DGKI: variants seen among roughly 807,000 people sequenced by gnomAD.
DGKI encodes the protein DAG kinase iota.
In DGKI, 55 loss-of-function variants were observed where a neutral mutation model predicts 147.5. That is an observed-to-expected ratio of 0.37 (90% CI 0.30 to 0.47). The LOEUF (loss-of-function observed/expected upper bound fraction) is 0.47, where lower values mean the gene tolerates loss of function less well. DGKI is among the 20% of genes least tolerant of loss of function. The pLI is 1.00. For synonymous variants in DGKI, 469 were observed against 477.1 expected, an observed-to-expected ratio of 0.98 and a Z score of 0.22; for missense variants, 1,007 against 1,323.8, an observed-to-expected ratio of 0.76 and a Z score of 3.71.
chr7:137,838,832 G>C (rs188526155), intron 1 of DGKI, among the ~76,000 whole-genome samples: 1 of 152,308 alleles, frequency 6.6e-6, no homozygotes, highest in East Asian at 1.9e-4. Flanking sequence ...ATCCCAGAAG[G>C]CTGCACCTTC....
intron 19 of DGKI, among the ~76,000 whole-genome samples, chr7:137,560,107 T>C (rs559457348): frequency 6.6e-6 from 1 of 152,136 alleles, no homozygotes; most frequent in Admixed American, 6.5e-5. Context: ...CCACATACGA[T>C]GTATCATCCA....
chr7:137,824,581 C>A (rs1306639879), intron 1 of DGKI, among the ~76,000 whole-genome samples: 1 of 150,168 alleles, frequency 6.7e-6, no homozygotes, highest in Non-Finnish European at 1.5e-5. Context: ...CCCTGTCATT[C>A]TTTTTCACTT....
intron 15 of DGKI, among the ~76,000 whole-genome samples, chr7:137,578,650 G>A (rs1819070770): frequency 6.6e-6 from 1 of 152,144 alleles, no homozygotes; most frequent in South Asian, 2.1e-4. Context: ...ATCTGTGGAG[G>A]GGAGCTCTCC....
chr7:137,535,544 C>A (rs1817488634), intron 20 of DGKI, among the ~76,000 whole-genome samples: 1 of 151,986 alleles, frequency 6.6e-6, no homozygotes, highest in African/African-American at 2.4e-5. Context: ...TTCTCCTTTA[C>A]CCCCAAGTCT....
intron 1 of DGKI, among the ~76,000 whole-genome samples, chr7:137,723,236 G>A (rs1794619752): frequency 6.6e-6 from 1 of 152,178 alleles, no homozygotes; most frequent in Non-Finnish European, 1.5e-5. Context: ...GGTCTAAAGG[G>A]TAGCTGAAGA....
intron 31 of DGKI, among the ~76,000 whole-genome samples, chr7:137,396,743 T>C (rs940108349): frequency 6.6e-6 from 1 of 152,252 alleles, no homozygotes; most frequent in Non-Finnish European, 1.5e-5. Context: ...CAGGATTAGT[T>C]GTACAGCCTA....
chr7:137,733,839 G>T (rs183099855), intron 1 of DGKI, among the ~76,000 whole-genome samples: 1 of 152,176 alleles, frequency 6.6e-6, no homozygotes. Context: ...GCAATGATTT[G>T]TAAGGAGGTA....
intron 24 of DGKI, 130 bp downstream of exon 24, chr7:137,469,420 C>G: frequency 1.2e-6 from 1 of 837,376 alleles, no homozygotes; most frequent in Non-Finnish European, 1.9e-6. Flanking sequence ...CATGCCAATA[C>G]CAGCCATGTG....
rs36002118 is a variant in DGKI at position 137,645,374 on chromosome 7, C to T, written c.804+98G>A. The T allele has an allele frequency of 0.023, 21,701 of 962,616 alleles. 2,415 individuals carry two copies. In the African/African-American group the frequency reaches 0.27, roughly 12 times the overall value. The allele number at this position is 962,616 out of a possible 1,614,324, so 59.6% of individuals were successfully genotyped here. A position where few individuals can be genotyped will look rare whatever the true frequency, so the allele number is the denominator to read the frequency against. ...AAGGTCTTTCAGAAAGGAACTGATG[C>T]AGTGAACACTGGATTTGGGGACAGG... On this transcript the variant is annotated intron_variant, in intron 6 of 32. Coordinates refer to ENST00000614521, the MANE Select transcript of DGKI (RefSeq NM_001321708.2).
chr7:137,581,603 C>G (rs988916876), intron 15 of DGKI, among the ~76,000 whole-genome samples: 1 of 152,052 alleles, frequency 6.6e-6, no homozygotes, highest in African/African-American at 2.4e-5. Context: ...TAGTCCTGCC[C>G]TTTACTGTCT....
At chr7:137,666,953 C>T (rs1822661435) in intron 3 of DGKI, among the ~76,000 whole-genome samples, 1 of 152,112 alleles carries the variant, frequency 6.6e-6, no homozygotes, top group Non-Finnish European at 1.5e-5. Flanking sequence ...GCCTGCTTCT[C>T]TTTTCTCTTA....
intron 2 of DGKI, among the ~76,000 whole-genome samples, chr7:137,681,570 TA>T (rs1031492241): frequency 2.6e-5 from 4 of 152,252 alleles, no homozygotes; most frequent in African/African-American, 9.6e-5. Context: ...AACAATTCTT[TA>T]TTCGATAACA....
At chr7:137,614,331 G>T (rs2128994756) in intron 8 of DGKI, among the ~76,000 whole-genome samples, 1 of 152,206 alleles carries the variant, frequency 6.6e-6, no homozygotes, top group South Asian at 2.1e-4. Flanking sequence ...CATAAGTTTT[G>T]TAAAAGCTTT....
At chr7:137,569,537 G>T (rs1818712507) in intron 19 of DGKI, among the ~76,000 whole-genome samples, 1 of 151,378 alleles carries the variant, frequency 6.6e-6, no homozygotes, top group Admixed American at 6.6e-5. Context: ...GACCATCCTG[G>T]CAAACATGGT....
At chr7:137,417,645 A>C (rs1257220011) in intron 28 of DGKI, among the ~76,000 whole-genome samples, 1 of 152,034 alleles carries the variant, frequency 6.6e-6, no homozygotes, top group East Asian at 1.9e-4. Flanking sequence ...GTTTGTATAA[A>C]CCCTCCAAAA....
At chr7:137,659,037 T>C (rs768759338) in intron 3 of DGKI, among the ~76,000 whole-genome samples, 1 of 152,220 alleles carries the variant, frequency 6.6e-6, no homozygotes. Context: ...ATAAACCATA[T>C]TCTAAATTTT....
chr7:137,425,382 A>G (rs1812756396), intron 28 of DGKI, among the ~76,000 whole-genome samples: 1 of 152,194 alleles, frequency 6.6e-6, no homozygotes, highest in Non-Finnish European at 1.5e-5. Context: ...GGACATCCAC[A>G]CCAAAAACCC....
rs1811077298 is a variant in DGKI, at chr7:137,382,234, T to C, written c.*8986A>G. The C allele has an allele frequency of 6.6e-6, 1 of 152,106 alleles. No individual in the cohort carries two copies. The highest frequency in any genetic ancestry group is 1.5e-5 in the Non-Finnish European group (1 of 67,986). The allele number at this position is 152,106 out of a possible 1,614,324, so 9.4% of individuals were successfully genotyped here. A position where few individuals can be genotyped will look rare whatever the true frequency, so the allele number is the denominator to read the frequency against. Reference sequence around the variant, plus strand: ...AAGACAATTTGTAAACATATATCTATCATTTTTAAGAGGAAAATGTATATT... The same window carrying C: ...AAGACAATTTGTAAACATATATCTACCATTTTTAAGAGGAAAATGTATATT... On this transcript the variant is annotated 3_prime_UTR_variant, in exon 33 of 33. Transcript: ENST00000614521.
chr7:137,443,286 T>C (rs954029103), intron 28 of DGKI, among the ~76,000 whole-genome samples: 1 of 152,200 alleles, frequency 6.6e-6, no homozygotes, highest in Admixed American at 6.5e-5. Context: ...ATTTTTACTA[T>C]GGAACGATCA....
Sources: gnomAD v4.1 joint callset for allele counts (sites outside exome capture counted in the v4.1 genomes callset) on GRCh38, gnomAD v4.1.1 for gene constraint, MANE v1.5 for transcripts, NCBI Gene and HGNC (gene_info 2026-07-23, HGNC 2026-07-21) for gene names.